The following TUSC3 variants were observed in gnomAD, a reference collection of about 807,000 sequenced individuals.
TUSC3 encodes the protein dolichyl-diphosphooligosaccharide--protein glycosyltransferase subunit TUSC3.
TUSC3 carries 45 observed loss-of-function variants against 44.8 expected under a neutral mutation model. The observed-to-expected ratio is 1.00, with a 90% CI of 0.79 to 1.29. The LOEUF is 1.29. TUSC3 is among the 50% of genes most tolerant of loss of function. The pLI, the probability that TUSC3 is intolerant of heterozygous loss-of-function variation, is 0.00. For synonymous variants in TUSC3, 212 were observed against 152.9 expected, an observed-to-expected ratio of 1.39 and a Z score of -2.85; for missense variants, 519 against 437.9, an observed-to-expected ratio of 1.19 and a Z score of -1.65.
At chr8:15,609,759 A>AAG (rs568082676) in intron 1 of TUSC3, among the ~76,000 whole-genome samples, 24 of 152,176 alleles carry the variant, frequency 1.6e-4, no homozygotes, top group African/African-American at 5.8e-4. Flanking sequence ...CATTTAAAAA[A>AAG]AAACATGTTT....
At chr8:15,456,164 C>A (rs1800254481) in intron 1 of TUSC3, among the ~76,000 whole-genome samples, 1 of 152,150 alleles carries the variant, frequency 6.6e-6, no homozygotes, top group South Asian at 2.1e-4. Flanking sequence ...CTTTGAAAAA[C>A]CTCTAACTTC....
chr8:15,494,605 C>T (rs553897701), intron 2 of TUSC3, among the ~76,000 whole-genome samples: 1 of 152,194 alleles, frequency 6.6e-6, no homozygotes, highest in African/African-American at 2.4e-5. Context: ...GCGTGAGCCA[C>T]CGCACCTGGC....
chr8:15,599,964 C>A (rs1451940356), intron 1 of TUSC3, among the ~76,000 whole-genome samples: 2 of 151,546 alleles, frequency 1.3e-5, no homozygotes, highest in Non-Finnish European at 3.0e-5. Context: ...CTTGTCGATT[C>A]TTTTGAATTT....
chr8:15,658,661 A>AC (rs1563158148), intron 3 of TUSC3, among the ~76,000 whole-genome samples: 3 of 111,482 alleles, frequency 2.7e-5, no homozygotes, highest in Non-Finnish European at 5.6e-5. Context: ...CACACACACA[A>AC]ATACAATATA....
chr8:15,532,831 T>C (rs1801468287), intron 2 of TUSC3, among the ~76,000 whole-genome samples: 1 of 152,196 alleles, frequency 6.6e-6, no homozygotes, highest in Non-Finnish European at 1.5e-5. Context: ...TCGCTCTTGT[T>C]GCCCAGGCTG....
rs182655914 is a variant in TUSC3, at chr8:15,500,104, A to T, written n.189+16621A>T. Among the ~76,000 whole-genome samples the T allele has an allele frequency of 3.6e-3, 547 of 152,194 alleles. 2 individuals are homozygous for T. The highest frequency in any genetic ancestry group is 4.8e-3 in the Non-Finnish European group (329 of 67,996). ...TTTTCATATATCCTCTATTACCTTG[A>T]CTGTCTTTCATTGTTGCCAACATTG... On this transcript the variant is annotated intron_variant and non_coding_transcript_variant, in intron 2 of 5. Coordinates refer to the TUSC3 transcript ENST00000503191.
At chr8:15,845,550 T>G in the TUSC3 span, among the ~76,000 whole-genome samples, 2 of 152,144 alleles carry the variant, frequency 1.3e-5, no homozygotes, top group African/African-American at 4.8e-5. Context: ...TTCTGTGATT[T>G]TTACAGTTTA....
intron 1 of TUSC3, among the ~76,000 whole-genome samples, chr8:15,593,026 T>G (rs1029412678): frequency 2.0e-5 from 3 of 152,194 alleles, no homozygotes; most frequent in African/African-American, 7.2e-5. Context: ...CATTTTTGGA[T>G]TCATTAGCCT....
At chr8:15,522,382 G>A (rs1252395134) in intron 2 of TUSC3, among the ~76,000 whole-genome samples, 2 of 152,010 alleles carry the variant, frequency 1.3e-5, no homozygotes, top group East Asian at 1.9e-4. Flanking sequence ...ACAGGCCTGC[G>A]CCAGCACACA....
At chr8:15,456,703 C>G (rs1051229321) in intron 1 of TUSC3, among the ~76,000 whole-genome samples, 1 of 151,780 alleles carries the variant, frequency 6.6e-6, no homozygotes, top group Non-Finnish European at 1.5e-5. Context: ...TGGATAAAGA[C>G]AAAATCAGAT....
chr8:15,703,131 A>G (rs1419161285), intron 6 of TUSC3, among the ~76,000 whole-genome samples: 2 of 152,168 alleles, frequency 1.3e-5, no homozygotes, highest in African/African-American at 4.8e-5. Context: ...TTTTAGTTGC[A>G]TAGCTTGCTA....
At chr8:15,637,892 T>C (rs969912302) in intron 2 of TUSC3, among the ~76,000 whole-genome samples, 2 of 152,184 alleles carry the variant, frequency 1.3e-5, no homozygotes, top group Non-Finnish European at 2.9e-5. Context: ...TGAAATAATT[T>C]ATGTTTCCAC....
chr8:15,506,485 T>C (rs941388439), intron 2 of TUSC3, among the ~76,000 whole-genome samples: 1 of 152,186 alleles, frequency 6.6e-6, no homozygotes, highest in Non-Finnish European at 1.5e-5. Flanking sequence ...TTTCATGCTG[T>C]TATGAAGAAA....
At chr8:15,775,365 T>C in the TUSC3 span, among the ~76,000 whole-genome samples, 1 of 152,040 alleles carries the variant, frequency 6.6e-6, no homozygotes, top group Non-Finnish European at 1.5e-5. Flanking sequence ...GATGAAAATA[T>C]TCTGGAGAGT....
chr8:15,742,887 T>G (rs1811254506), intron 7 of TUSC3, among the ~76,000 whole-genome samples: 2 of 152,234 alleles, frequency 1.3e-5, no homozygotes. Context: ...CTGGCATTAT[T>G]CAACATAGCA....
chr8:15,752,866 AACTT>A (rs1811764869), intron 9 of TUSC3, among the ~76,000 whole-genome samples: 1 of 152,066 alleles, frequency 6.6e-6, no homozygotes. Context: ...CCAAGATAAT[AACTT>A]ACTTTGGCCT....
chr8:15,763,762 A>G (rs1238022999), intron 10 of TUSC3, among the ~76,000 whole-genome samples: 2 of 152,034 alleles, frequency 1.3e-5, no homozygotes, highest in South Asian at 2.1e-4. Flanking sequence ...TGGTTGTTCA[A>G]TATGATGAAA....
chr8:15,598,026 TTTG>T (rs1804140342), intron 1 of TUSC3, among the ~76,000 whole-genome samples: 1 of 152,016 alleles, frequency 6.6e-6, no homozygotes, highest in Admixed American at 6.6e-5. Context: ...TTCACGTAAA[TTTG>T]TTGTTTCTAG....
At chr8:15,818,539 A>G in the TUSC3 span, among the ~76,000 whole-genome samples, 1 of 152,216 alleles carries the variant, frequency 6.6e-6, no homozygotes, top group Non-Finnish European at 1.5e-5. Flanking sequence ...TGCATTAGAC[A>G]GGTGATTAAA....
Sources: gnomAD v4.1 joint callset for allele counts (sites outside exome capture counted in the v4.1 genomes callset) on GRCh38, gnomAD v4.1.1 for gene constraint, MANE v1.5 for transcripts, NCBI Gene and HGNC (gene_info 2026-07-23, HGNC 2026-07-21) for gene names.